The following CDH12 variants were observed in gnomAD, a reference collection of about 807,000 sequenced individuals.
CDH12 encodes the protein cadherin 12.
A neutral mutation model predicts 74.1 loss-of-function variants in CDH12; 41 were observed. The observed-to-expected ratio is 0.55, with a 90% CI of 0.43 to 0.72. The LOEUF (loss-of-function observed/expected upper bound fraction) is 0.72. Among genes scored for constraint, CDH12 ranks in the 30% least tolerant of loss-of-function variants. CDH12 has a pLI of 0.00. For synonymous variants in CDH12, 399 were observed against 355.0 expected (o/e 1.12, Z -1.39); for missense variants, 945 against 977.2 (o/e 0.97, Z 0.44).
chr5:22,316,576 A>G (rs1035100077), intron 3 of CDH12, among the ~76,000 whole-genome samples: 1 of 152,114 alleles, frequency 6.6e-6, no homozygotes, highest in Non-Finnish European at 1.5e-5. Flanking sequence ...ATTGATTTTT[A>G]TTAGTTACTT....
In CDH12 at chr5:22,838,372, G is replaced by T. The variant is rs1374205097; in HGVS notation, c.-523+14686C>A. Among the ~76,000 whole-genome samples the T allele has an allele frequency of 2.8e-4, 43 of 152,110 alleles. 1 individual carries two copies. Among genetic ancestry groups the T allele is most frequent in the Admixed American group, 2.8e-3 (43 of 15,266 alleles). On this transcript the variant is annotated intron_variant, in intron 1 of 14. Transcript: ENST00000382254. ...GCACCCGTGCTTCAGGCAGCAAAGA[G>T]AGTGGCTTATTCTCTCTGATCCTCA...
chr5:21,970,342 C>T (rs1215122460), intron 6 of CDH12, among the ~76,000 whole-genome samples: 4 of 152,136 alleles, frequency 2.6e-5, no homozygotes, highest in Admixed American at 6.6e-5. Context: ...TTGAGGGGCT[C>T]TCTGTTTCCA....
intron 6 of CDH12, among the ~76,000 whole-genome samples, chr5:21,860,897 T>C (rs1751009435): frequency 6.6e-6 from 1 of 152,056 alleles, no homozygotes; most frequent in Admixed American, 6.6e-5. Flanking sequence ...GACTTCACCT[T>C]GCGATCTTGT....
intron 1 of CDH12, among the ~76,000 whole-genome samples, chr5:22,666,532 C>T (rs910430700): frequency 2.0e-5 from 3 of 152,010 alleles, no homozygotes; most frequent in Non-Finnish European, 2.9e-5. Context: ...CCTCGTGATC[C>T]GCCCACCTCG....
rs375133163 is a variant in CDH12, at chr5:22,832,978, T to C, written c.-523+20080A>G. 3.6e-3 allele frequency among the ~76,000 whole-genome samples: 554 copies of C among 152,296 alleles called. 22 individuals carry two copies. In the South Asian group the frequency reaches 0.089, roughly 25 times the overall value. ...TTTTTAATCAGCAAAAATTTCATTT[T>C]CAAAATTCAAAATTTTCTCTTAAAA... On this transcript the variant is annotated intron_variant, in intron 1 of 14. Transcript: ENST00000382254.
chr5:22,436,175 A>C (rs1262282879), intron 2 of CDH12, among the ~76,000 whole-genome samples: 1 of 150,004 alleles, frequency 6.7e-6, no homozygotes, highest in Non-Finnish European at 1.5e-5. Context: ...AGGACAAAAA[A>C]ACCAAACACC....
At chr5:22,192,019 T>C (rs1205451375) in intron 4 of CDH12, among the ~76,000 whole-genome samples, 1 of 152,172 alleles carries the variant, frequency 6.6e-6, no homozygotes, top group Non-Finnish European at 1.5e-5. Flanking sequence ...CACAGCAACC[T>C]CTGCCTCCAG....
At position 22,358,689 on chromosome 5, in the gene CDH12, A is replaced by G. The variant is rs1219448051; in HGVS notation, c.-333+46568T>C. Among the ~76,000 whole-genome samples, 3 of 152,334 alleles carry G rather than the reference A, an allele frequency of 2.0e-5. No individual in the cohort carries two copies. In the East Asian group the frequency reaches 5.8e-4, roughly 29 times the overall value. On this transcript the variant is annotated intron_variant, in intron 3 of 14. Transcript: ENST00000382254. ...GAAATTGTAAAAAGCAGAAAGCATT[A>G]CAGAGAAAGTTCATGTAGAGCTTAA... is the stretch of plus-strand genomic sequence containing the variant.
intron 1 of CDH12, among the ~76,000 whole-genome samples, chr5:22,696,525 T>A (rs1456893283): frequency 6.6e-6 from 1 of 152,204 alleles, no homozygotes; most frequent in Non-Finnish European, 1.5e-5. Context: ...TTAGTATTAA[T>A]ACATGTTTTT....
intron 5 of CDH12, among the ~76,000 whole-genome samples, chr5:22,028,478 G>C (rs1366873881): frequency 6.6e-6 from 1 of 152,150 alleles, no homozygotes; most frequent in African/African-American, 2.4e-5. Flanking sequence ...CGGACAAACA[G>C]AGAGCCAAAT....
intron 1 of CDH12, among the ~76,000 whole-genome samples, chr5:22,587,342 A>G (rs916031594): frequency 1.3e-5 from 2 of 152,158 alleles, no homozygotes; most frequent in Admixed American, 6.5e-5. Flanking sequence ...GAACACCATA[A>G]GAATAAACCT....
rs1225651410 is a variant in CDH12, at chr5:21,833,003, TATATATAATATA to T, written c.814+9146_814+9157del. On this transcript the variant is annotated intron_variant, in intron 8 of 14. Coordinates refer to ENST00000382254, the MANE Select transcript of CDH12 (RefSeq NM_004061.5). ...TATATAATATCATATATTAATATAT[TATATATAATATA>T]TGATATAATATATAATATATAATAT... 6.9e-3 allele frequency among the ~76,000 whole-genome samples: 514 copies of T among 74,762 alleles called. 11 individuals carry two copies. The highest frequency in any genetic ancestry group is 9.5e-3 in the Non-Finnish European group (440 of 46,248). The allele number at this position is 74,762 out of a possible 152,430, so 49.0% of individuals were successfully genotyped here.
intron 1 of CDH12, among the ~76,000 whole-genome samples, chr5:22,751,217 T>G (rs1580959790): frequency 6.6e-6 from 1 of 151,476 alleles, no homozygotes; most frequent in Non-Finnish European, 1.5e-5. Context: ...AAATGTAATT[T>G]ATTTAAGATG....
At chr5:21,840,750 T>G (rs922589161) in intron 8 of CDH12, among the ~76,000 whole-genome samples, 1 of 151,574 alleles carries the variant, frequency 6.6e-6, no homozygotes, top group Non-Finnish European at 1.5e-5. Context: ...AAACAAGCAA[T>G]TGGGGAAAGG....
At chr5:22,385,586 G>T (rs1295648171) in intron 3 of CDH12, among the ~76,000 whole-genome samples, 1 of 152,106 alleles carries the variant, frequency 6.6e-6, no homozygotes, top group Non-Finnish European at 1.5e-5. Flanking sequence ...ATCATTAAAA[G>T]AAATGAGGAC....
intron 3 of CDH12, among the ~76,000 whole-genome samples, chr5:22,354,986 C>G (rs1740501530): frequency 1.3e-5 from 2 of 152,100 alleles, no homozygotes; most frequent in African/African-American, 4.8e-5. Context: ...TGAGTTCTAA[C>G]AGAGCTGGGA....
chr5:22,443,400 T>G (rs1255478742), intron 2 of CDH12, among the ~76,000 whole-genome samples: 1 of 152,134 alleles, frequency 6.6e-6, no homozygotes, highest in Non-Finnish European at 1.5e-5. Flanking sequence ...ACCCTTAAAC[T>G]ATCATGAAAT....
At chr5:21,920,152 T>C (rs889496164) in intron 6 of CDH12, among the ~76,000 whole-genome samples, 2 of 152,208 alleles carry the variant, frequency 1.3e-5, no homozygotes, top group South Asian at 2.1e-4. Flanking sequence ...ACAACAAATA[T>C]TTATAGAGAC....
chr5:22,200,355 T>C, intron 4 of CDH12, among the ~76,000 whole-genome samples: 1 of 152,096 alleles, frequency 6.6e-6, no homozygotes, highest in East Asian at 1.9e-4. Context: ...CATCCAGTTA[T>C]GAAATACAAA....
Sources: allele counts gnomAD v4.1 joint callset (sites outside exome capture counted in the v4.1 genomes callset), GRCh38; gene constraint gnomAD v4.1.1; transcripts MANE v1.5; gene names NCBI Gene and HGNC (gene_info 2026-07-23, HGNC 2026-07-21).